The following ZFAND3 variants were observed in gnomAD, a reference collection of about 807,000 sequenced individuals.
The protein encoded by ZFAND3 is zinc finger AN1-type containing 3, also known as AN1-type zinc finger protein 3.
In ZFAND3, 10 loss-of-function variants were observed where a neutral mutation model predicts 29.6. That is an observed-to-expected ratio of 0.34 (90% CI 0.21 to 0.57). The LOEUF is 0.57. ZFAND3 is among the 20% of genes least tolerant of loss of function. ZFAND3 has a pLI of 0.86. For synonymous variants in ZFAND3, 128 were observed against 112.6 expected (o/e 1.14, Z -0.87); for missense variants, 230 against 304.5 (o/e 0.76, Z 1.82).
intron 2 of ZFAND3, among the ~76,000 whole-genome samples, chr6:38,053,054 AG>A (rs1764059123): frequency 6.7e-6 from 1 of 149,374 alleles, no homozygotes; most frequent in South Asian, 2.1e-4. Context: ...AAAAAGAAAA[AG>A]AAAAAAAAAA....
intron 2 of ZFAND3, among the ~76,000 whole-genome samples, chr6:37,953,177 A>C (rs2842517): frequency 0.28 from 42,974 of 151,144 alleles, 7,028 homozygotes; most frequent in Non-Finnish European, 0.38. Context: ...TTAGTTTTCT[A>C]TTTGTCCCAT....
chr6:38,004,753 C>T (rs993410333), intron 2 of ZFAND3, among the ~76,000 whole-genome samples: 3 of 152,078 alleles, frequency 2.0e-5, no homozygotes, highest in Non-Finnish European at 4.4e-5. Context: ...AAAATGAAAT[C>T]GAGAGATAAT....
chr6:38,022,424 A>G (rs1428413743), intron 2 of ZFAND3, among the ~76,000 whole-genome samples: 1 of 152,246 alleles, frequency 6.6e-6, no homozygotes, highest in Non-Finnish European at 1.5e-5. Context: ...TCCTGGAGAC[A>G]CTGTTTTAAA....
At chr6:37,903,240 A>G (rs535121518) in intron 1 of ZFAND3, among the ~76,000 whole-genome samples, 1 of 152,312 alleles carries the variant, frequency 6.6e-6, no homozygotes, top group African/African-American at 2.4e-5. Context: ...CTATAATTTA[A>G]GGTGTAAATA....
intron 1 of ZFAND3, among the ~76,000 whole-genome samples, chr6:37,861,674 A>G (rs1456113722): frequency 6.6e-6 from 1 of 152,224 alleles, no homozygotes; most frequent in Non-Finnish European, 1.5e-5. Context: ...CATCCTCCAT[A>G]TATCTGGCTG....
At chr6:37,982,853 C>T (rs1762603002) in intron 2 of ZFAND3, among the ~76,000 whole-genome samples, 1 of 152,102 alleles carries the variant, frequency 6.6e-6, no homozygotes, top group African/African-American at 2.4e-5. Context: ...GTTACTACCC[C>T]TGAAGACCTT....
chr6:38,056,099 C>G (rs1764129754), intron 2 of ZFAND3, among the ~76,000 whole-genome samples: 1 of 152,272 alleles, frequency 6.6e-6, no homozygotes, highest in African/African-American at 2.4e-5. Context: ...TCCTCTCTTA[C>G]CAGTTGATAT....
chr6:38,112,401 A>G (rs1199473401), intron 4 of ZFAND3, among the ~76,000 whole-genome samples: 1 of 152,218 alleles, frequency 6.6e-6, no homozygotes, highest in Admixed American at 6.5e-5. Context: ...TCCTCCTGCT[A>G]CTAATGAGCA....
intron 2 of ZFAND3, among the ~76,000 whole-genome samples, chr6:38,060,593 A>G (rs1001942558): frequency 6.6e-6 from 1 of 151,662 alleles, no homozygotes; most frequent in Admixed American, 6.6e-5. Context: ...CTGAGACTAC[A>G]AGTGTGCACC....
intron 2 of ZFAND3, among the ~76,000 whole-genome samples, chr6:37,945,999 A>G (rs1761895165): frequency 6.6e-6 from 1 of 152,148 alleles, no homozygotes; most frequent in Admixed American, 6.5e-5. Flanking sequence ...CCCTAACATC[A>G]GAGTGGTGTT....
intron 2 of ZFAND3, among the ~76,000 whole-genome samples, chr6:38,031,823 A>G (rs1763566348): frequency 6.6e-6 from 1 of 151,768 alleles, no homozygotes; most frequent in African/African-American, 2.4e-5. Flanking sequence ...ACAGTTTCAT[A>G]TTCTGCCCCT....
chr6:37,967,463 T>C (rs1212430503), intron 2 of ZFAND3, among the ~76,000 whole-genome samples: 1 of 152,196 alleles, frequency 6.6e-6, no homozygotes, highest in African/African-American at 2.4e-5. Flanking sequence ...TTGGTTCTTT[T>C]TAAGGGAAAG....
At chr6:37,939,769 C>T (rs767798932) in intron 2 of ZFAND3, among the ~76,000 whole-genome samples, 6 of 152,184 alleles carry the variant, frequency 3.9e-5, no homozygotes, top group Admixed American at 2.6e-4. Flanking sequence ...AGGCCAGGAA[C>T]GGTGGCTCAC....
chr6:38,040,490 G>A (rs1239504904), intron 2 of ZFAND3, among the ~76,000 whole-genome samples: 4 of 152,038 alleles, frequency 2.6e-5, no homozygotes, highest in African/African-American at 9.7e-5. Flanking sequence ...TCTGTCAGTG[G>A]ACACTTCAGT....
In ZFAND3 at chr6:37,879,957, C is replaced by CT. The variant is rs575002787; in HGVS notation, c.72-49999dup. ...GTATTCTAAGGCTTAAAAGCAAAAT[C>CT]TTTATGTGTGATGTTTTGTATATTT... On this transcript the variant is annotated intron_variant, in intron 1 of 5. Coordinates refer to ENST00000287218, the MANE Select transcript of ZFAND3 (RefSeq NM_021943.3). 1.6e-3 allele frequency among the ~76,000 whole-genome samples: 244 copies of CT among 152,264 alleles called. 3 individuals carry two copies. Among genetic ancestry groups the CT allele is most frequent in the Admixed American group, 2.9e-3 (44 of 15,294 alleles).
chr6:37,833,183 G>A (rs763759219), intron 1 of ZFAND3: 2 of 152,196 alleles, frequency 1.3e-5, no homozygotes, highest in Non-Finnish European at 2.9e-5. Flanking sequence ...TGTGACTACA[G>A]GCATGCTACC....
At chr6:38,087,119 G>C (rs190505399) in intron 4 of ZFAND3, among the ~76,000 whole-genome samples, 172 of 152,294 alleles carry the variant, frequency 1.1e-3, no homozygotes, top group African/African-American at 4.1e-3. Flanking sequence ...ATGGTGCTGG[G>C]AAAACTGGAT....
intron 2 of ZFAND3, among the ~76,000 whole-genome samples, chr6:38,058,606 T>TTTA (rs1405854252): frequency 1.3e-5 from 2 of 152,172 alleles, no homozygotes; most frequent in African/African-American, 4.8e-5. Context: ...CACTCACTAG[T>TTTA]GGTGCTGGAA....
At chr6:38,102,984 T>G (rs370168607) in intron 4 of ZFAND3, among the ~76,000 whole-genome samples, 128 of 152,302 alleles carry the variant, frequency 8.4e-4, no homozygotes, top group African/African-American at 2.9e-3. Context: ...CTTGAACTCC[T>G]GACCTCAGGT....
Sources: allele counts gnomAD v4.1 joint callset (sites outside exome capture counted in the v4.1 genomes callset), GRCh38; gene constraint gnomAD v4.1.1; transcripts MANE v1.5; gene names NCBI Gene and HGNC (gene_info 2026-07-23, HGNC 2026-07-21).